Variants in STK33 observed in about 807,000 individuals in gnomAD.
The protein encoded by STK33 is serine/threonine-protein kinase 33.
Under a neutral mutation model 58.0 loss-of-function variants are expected in STK33, and 52 were observed. The ratio of observed to expected loss-of-function variants is 0.90; its 90% CI spans 0.72 to 1.13. The LOEUF (loss-of-function observed/expected upper bound fraction) is 1.13. Among genes scored for constraint, STK33 ranks in the 50% most tolerant of loss-of-function variants. The pLI is 0.00. For synonymous variants in STK33, 215 were observed against 200.1 expected, an observed-to-expected ratio of 1.07 and a Z score of -0.63; for missense variants, 630 against 604.2, an observed-to-expected ratio of 1.04 and a Z score of -0.45.
chr11:8,528,440 T>C (rs546503123), intron 1 of STK33, among the ~76,000 whole-genome samples: 1 of 152,346 alleles, frequency 6.6e-6, no homozygotes, highest in African/African-American at 2.4e-5. Flanking sequence ...ACTTCTTGTT[T>C]TCCCACTGGT....
At chr11:8,507,891 TGTA>T (rs1159958894) in intron 1 of STK33, among the ~76,000 whole-genome samples, 15 of 152,236 alleles carry the variant, frequency 9.9e-5, no homozygotes, top group Non-Finnish European at 4.4e-5. Context: ...GTTTTGTTGT[TGTA>T]GTTGTTGTTG....
At chr11:8,483,630 G>C (rs890926237) in intron 1 of STK33, among the ~76,000 whole-genome samples, 1 of 152,162 alleles carries the variant, frequency 6.6e-6, no homozygotes, top group Non-Finnish European at 1.5e-5. Flanking sequence ...GCAATGGAGG[G>C]GGCACAGGGC....
intron 15 of STK33, among the ~76,000 whole-genome samples, chr11:8,405,739 TA>T (rs1404369618): frequency 3.3e-5 from 5 of 152,294 alleles, no homozygotes; most frequent in African/African-American, 1.2e-4. Context: ...CAGTTTTAGC[TA>T]GGGGGTCAAA....
At chr11:8,413,841 C>T in intron 14 of STK33, 149 bp from the exon 15 acceptor site, 1 of 696,970 alleles carries the variant, frequency 1.4e-6, no homozygotes, top group Non-Finnish European at 2.4e-6. Context: ...TTCTGATGAC[C>T]ACTGGAGTAC....
chr11:8,486,625 G>T (rs1950211867), intron 1 of STK33, among the ~76,000 whole-genome samples: 1 of 152,178 alleles, frequency 6.6e-6, no homozygotes, highest in South Asian at 2.1e-4. Context: ...TGAAGGCAGA[G>T]ATGGTGTTTA....
At chr11:8,531,541 T>C (rs1954549892) in intron 1 of STK33, among the ~76,000 whole-genome samples, 1 of 152,230 alleles carries the variant, frequency 6.6e-6, no homozygotes, top group African/African-American at 2.4e-5. Context: ...TGTCAACAGA[T>C]GCTGGCGGAT....
At chr11:8,391,469 T>C (rs1848624364), downstream of STK33, among the ~76,000 whole-genome samples, 1 of 152,338 alleles carries the variant, frequency 6.6e-6, no homozygotes, top group South Asian at 2.1e-4. Context: ...ACACGTACTA[T>C]TTTTAGTTAC....
At chr11:8,542,502 G>A (rs1955600419) in intron 1 of STK33, among the ~76,000 whole-genome samples, 1 of 152,184 alleles carries the variant, frequency 6.6e-6, no homozygotes. Context: ...CTAGGGGAGT[G>A]CTACTGGTAT....
In STK33 at chr11:8,440,738, C is replaced by A. The variant is rs1249775734; in HGVS notation, c.887G>T (p.Ser296Ile). ...ACACTGCTGGCTATAGTCGTGGGCA[C>A]TGATAACTTCAGGGGCTGCCAAACA... ...TPIYMAPEVI[S>I]AHDYSQQCDI... The change falls in exon 12 of 16, where the codon AGT (serine) becomes ATT (isoleucine). Residue 296 changes from serine to isoleucine, a missense_variant. Coordinates refer to ENST00000687296, the MANE Select transcript of STK33 (RefSeq NM_001352389.2). The A allele has an allele frequency of 3.8e-6, 6 of 1,567,828 alleles. No homozygotes were observed. The highest frequency in any genetic ancestry group is 5.2e-6 in the Non-Finnish European group (6 of 1,154,324).
At chr11:8,353,663 A>C in the STK33 span, among the ~76,000 whole-genome samples, 1 of 151,870 alleles carries the variant, frequency 6.6e-6, no homozygotes, top group Admixed American at 6.5e-5. Context: ...TCCCTTCCCC[A>C]TTGTTTTTCG....
intron 15 of STK33, among the ~76,000 whole-genome samples, chr11:8,409,345 GA>G (rs1939811423): frequency 1.3e-5 from 2 of 152,212 alleles, no homozygotes; most frequent in Non-Finnish European, 2.9e-5. Flanking sequence ...GCAGGTGACA[GA>G]AATAGAAGAG....
At chr11:8,479,567 G>A (rs1444501529) in intron 2 of STK33, among the ~76,000 whole-genome samples, 1 of 152,032 alleles carries the variant, frequency 6.6e-6, no homozygotes, top group East Asian at 1.9e-4. Context: ...AGCTGGCCAG[G>A]CACAGTGGTT....
At chr11:8,593,759 C>G (rs73408025) in intron 1 of STK33, 8,374 of 152,366 alleles carry the variant, frequency 0.055, 403 homozygotes, top group African/African-American at 0.14. Context: ...AGTAAGTTCG[C>G]TTCTAAACTT....
At chr11:8,455,178 C>T (rs1202438087) in intron 9 of STK33, among the ~76,000 whole-genome samples, 1 of 152,190 alleles carries the variant, frequency 6.6e-6, no homozygotes, top group Non-Finnish European at 1.5e-5. Context: ...CCAGGTTTCC[C>T]ATATCCTTCG....
chr11:8,497,711 C>T (rs922948180), intron 1 of STK33, among the ~76,000 whole-genome samples: 1 of 152,204 alleles, frequency 6.6e-6, no homozygotes, highest in South Asian at 2.1e-4. Flanking sequence ...ATCTGCCTGC[C>T]TTTGCCTCCC....
At chr11:8,399,954 C>T (rs1322387489) in intron 15 of STK33, among the ~76,000 whole-genome samples, 2 of 152,114 alleles carry the variant, frequency 1.3e-5, no homozygotes, top group Admixed American at 1.3e-4. Context: ...CAATAACAGG[C>T]TCTGAAATTG....
chr11:8,548,014 G>A (rs1363798528), intron 1 of STK33, among the ~76,000 whole-genome samples: 1 of 149,852 alleles, frequency 6.7e-6, no homozygotes, highest in Non-Finnish European at 1.5e-5. Flanking sequence ...GCCTGTTGTG[G>A]GGTGGAGGGA....
At chr11:8,563,422 C>T (rs1957244479) in intron 1 of STK33, among the ~76,000 whole-genome samples, 1 of 152,144 alleles carries the variant, frequency 6.6e-6, no homozygotes, top group African/African-American at 2.4e-5. Context: ...ACCACCATGA[C>T]ACAAAATTAT....
rs148031333 is a variant in STK33 at position 8,431,685 on chromosome 11, C to A, written c.1146+3809G>T. ...TGATGTCCTATTTAAAATAAGCCAC[C>A]TGGCAAGACTGATGCACTTTAACAA... On this transcript the variant is annotated intron_variant, in intron 14 of 15. Transcript: ENST00000687296. Among the ~76,000 whole-genome samples, 73 of 152,270 alleles carry A rather than the reference C, an allele frequency of 4.8e-4. 1 individual carries two copies. The East Asian group carries it at 0.013, about 28-fold the overall frequency.
Sources: allele counts gnomAD v4.1 joint callset (sites outside exome capture counted in the v4.1 genomes callset), GRCh38; gene constraint gnomAD v4.1.1; transcripts MANE v1.5; gene names NCBI Gene and HGNC (gene_info 2026-07-23, HGNC 2026-07-21).